RBFOX1: variants seen among roughly 807,000 people sequenced by gnomAD.
RBFOX1 encodes RNA binding fox-1 homolog 1, also known as RNA binding protein fox-1 homolog 1.
A neutral mutation model predicts 57.7 loss-of-function variants in RBFOX1; 8 were observed. That is an observed-to-expected ratio of 0.14 (90% CI 0.08 to 0.25). RBFOX1 has a LOEUF of 0.25. Ranked by LOEUF, RBFOX1 falls within the 10% of genes least tolerant of loss-of-function variation. The pLI is 1.00. For synonymous variants in RBFOX1, 326 were observed against 222.4 expected (o/e 1.47, Z -4.15); for missense variants, 611 against 548.5 (o/e 1.11, Z -1.14).
At chr16:6,523,015 C>G (rs2096529852) in intron 2 of RBFOX1, among the ~76,000 whole-genome samples, 2 of 152,174 alleles carry the variant, frequency 1.3e-5, no homozygotes. Context: ...CATTGTCCAT[C>G]CTACATAAGA....
intron 3 of RBFOX1, among the ~76,000 whole-genome samples, chr16:6,686,648 G>A (rs140608331): frequency 4.6e-5 from 7 of 152,178 alleles, no homozygotes; most frequent in Non-Finnish European, 8.8e-5. Context: ...ATCTCTCCTT[G>A]TCCTTTTGAG....
chr16:7,128,436 G>T (rs976456913), intron 4 of RBFOX1, among the ~76,000 whole-genome samples: 3 of 152,190 alleles, frequency 2.0e-5, no homozygotes, highest in Non-Finnish European at 4.4e-5. Flanking sequence ...GGCAAACCAA[G>T]AGAGCCTGAA....
At chr16:7,670,475 G>A (rs2071035824) in intron 13 of RBFOX1, among the ~76,000 whole-genome samples, 1 of 152,164 alleles carries the variant, frequency 6.6e-6, no homozygotes, top group Non-Finnish European at 1.5e-5. Context: ...CGCTAGTTGA[G>A]CAATATTTGA....
At chr16:6,394,791 C>T (rs980690257) in intron 2 of RBFOX1, among the ~76,000 whole-genome samples, 1 of 152,082 alleles carries the variant, frequency 6.6e-6, no homozygotes, top group African/African-American at 2.4e-5. Flanking sequence ...CCACGATCCC[C>T]AAGGAGCCTT....
chr16:6,317,277 T>G (rs2081226751), intron 2 of RBFOX1, among the ~76,000 whole-genome samples: 1 of 152,042 alleles, frequency 6.6e-6, no homozygotes, highest in Non-Finnish European at 1.5e-5. Flanking sequence ...ACCTGGGAAA[T>G]TTGTGAGGTT....
rs71408412 is a variant in RBFOX1, at chr16:6,863,725, C to CTTTTTTTTTTTTTTTTTTTTTTTT, written c.-15-188328_-15-188305dup. 1.0e-3 allele frequency among the ~76,000 whole-genome samples: 71 copies of CTTTTTTTTTTTTTTTTTTTTTTTT among 67,766 alleles called. 11 individuals carry two copies. The highest frequency in any genetic ancestry group is 1.5e-3 in the African/African-American group (20 of 13,378). The allele number at this position is 67,766 out of a possible 152,430, so 44.5% of individuals were successfully genotyped here. ...CGGAAGCACAAATTGGATGCCTGCG[C>CTTTTTTTTTTTTTTTTTTTTTTTT]TTTTTTTTTTTTTTTTTTTTTTTTT... On this transcript the variant is annotated intron_variant, in intron 3 of 15. Coordinates refer to ENST00000550418, the MANE Select transcript of RBFOX1 (RefSeq NM_018723.4).
chr16:5,564,881 A>G (rs961574858), intron 2 of RBFOX1, among the ~76,000 whole-genome samples: 1 of 152,076 alleles, frequency 6.6e-6, no homozygotes, highest in Non-Finnish European at 1.5e-5. Flanking sequence ...GGAGGTGGAG[A>G]CAGCTGTCCC....
intron 1 of RBFOX1, among the ~76,000 whole-genome samples, chr16:5,430,536 C>T (rs546731326): frequency 2.6e-5 from 4 of 152,216 alleles, no homozygotes; most frequent in Admixed American, 6.5e-5. Flanking sequence ...GAGCATCTTG[C>T]GGCGAGCAAG....
intron 4 of RBFOX1, among the ~76,000 whole-genome samples, chr16:7,357,664 C>G (rs577128929): frequency 6.6e-6 from 1 of 152,304 alleles, no homozygotes; most frequent in South Asian, 2.1e-4. Context: ...TTGCGCAGGA[C>G]TTTTATTCAG....
At chr16:5,277,913 G>A (rs1346598709) in intron 1 of RBFOX1, among the ~76,000 whole-genome samples, 2 of 152,136 alleles carry the variant, frequency 1.3e-5, no homozygotes, top group African/African-American at 4.8e-5. Flanking sequence ...TTGACACTTA[G>A]ATTGATTCCA....
intron 4 of RBFOX1, among the ~76,000 whole-genome samples, chr16:7,053,333 G>C (rs1286367333): frequency 6.6e-6 from 1 of 152,122 alleles, no homozygotes; most frequent in East Asian, 1.9e-4. Context: ...CATTCGTTGT[G>C]ACCCTTTCCT....
intron 4 of RBFOX1, among the ~76,000 whole-genome samples, chr16:7,093,597 G>A (rs1420402555): frequency 2.0e-5 from 3 of 152,078 alleles, no homozygotes; most frequent in Non-Finnish European, 2.9e-5. Context: ...TTGATTAGAG[G>A]GAAACTGGAT....
At chr16:6,507,270 T>C (rs1215183259) in intron 2 of RBFOX1, among the ~76,000 whole-genome samples, 3 of 152,060 alleles carry the variant, frequency 2.0e-5, no homozygotes, top group Non-Finnish European at 4.4e-5. Context: ...TATACACCCA[T>C]TTTCATAGCA....
intron 4 of RBFOX1, among the ~76,000 whole-genome samples, chr16:7,440,182 C>T (rs1598453885): frequency 6.6e-6 from 1 of 152,072 alleles, no homozygotes; most frequent in South Asian, 2.1e-4. Context: ...AGATGTGAGA[C>T]ACTGTGTCTG....
intron 1 of RBFOX1, among the ~76,000 whole-genome samples, chr16:5,277,476 TTA>T (rs2063169652): frequency 2.5e-5 from 1 of 39,820 alleles, no homozygotes; most frequent in Non-Finnish European, 4.7e-5. Context: ...CAATAAATTG[TTA>T]ATAGTCACTT....
At chr16:5,834,424 A>G (rs566473344) in intron 3 of RBFOX1, among the ~76,000 whole-genome samples, 1 of 152,176 alleles carries the variant, frequency 6.6e-6, no homozygotes, top group Non-Finnish European at 1.5e-5. Flanking sequence ...GATGCAAAAG[A>G]TAGTATTTTG....
chr16:6,867,522 C>T (rs1027459888), intron 3 of RBFOX1, among the ~76,000 whole-genome samples: 3 of 152,088 alleles, frequency 2.0e-5, no homozygotes, highest in Non-Finnish European at 4.4e-5. Flanking sequence ...AGTTCGAGAT[C>T]AGCCTGGCCA....
chr16:7,572,374 C>A (rs11641648), intron 5 of RBFOX1, among the ~76,000 whole-genome samples: 58,593 of 151,988 alleles, frequency 0.39, 11,712 homozygotes, highest in South Asian at 0.53. Flanking sequence ...TGAGAACTTA[C>A]CACGGACTCC....
rs569802480 is a variant in RBFOX1 at position 6,136,009 on chromosome 16, G to T, written c.-127+116017G>T. On this transcript the variant is annotated intron_variant, in intron 1 of 15. Coordinates refer to ENST00000550418, the MANE Select transcript of RBFOX1 (RefSeq NM_018723.4). Reference sequence around the variant, plus strand: ...GGGTTTTCACCATGTCGGCCAGGCTGGTCTCGAACTCCTGACCTCAAGTGA... The same window carrying T: ...GGGTTTTCACCATGTCGGCCAGGCTTGTCTCGAACTCCTGACCTCAAGTGA... 2.0e-5 allele frequency among the ~76,000 whole-genome samples: 3 copies of T among 152,074 alleles called. No individual in the cohort carries two copies. The South Asian group carries it at 6.2e-4, about 32-fold the overall frequency.
Sources: allele counts gnomAD v4.1 joint callset (sites outside exome capture counted in the v4.1 genomes callset), GRCh38; gene constraint gnomAD v4.1.1; transcripts MANE v1.5; gene names NCBI Gene and HGNC (gene_info 2026-07-23, HGNC 2026-07-21).